The following FAM135B variants were observed in gnomAD, a reference collection of about 807,000 sequenced individuals.
FAM135B encodes family with sequence similarity 135 member B.
Under a neutral mutation model 127.7 loss-of-function variants are expected in FAM135B, and 43 were observed. The ratio of observed to expected loss-of-function variants is 0.34; its 90% CI spans 0.26 to 0.43. The LOEUF (loss-of-function observed/expected upper bound fraction) is 0.43, where lower values mean the gene tolerates loss of function less well. FAM135B is among the 20% of genes least tolerant of loss of function. FAM135B has a pLI of 1.00. For missense variants in FAM135B, 1,558 were observed against 1,725.6 expected, an observed-to-expected ratio of 0.90 and a Z score of 1.72; for synonymous variants, 670 against 665.1, an observed-to-expected ratio of 1.01 and a Z score of -0.11.
chr8:138,434,868 G>T (rs545619708), intron 1 of FAM135B, among the ~76,000 whole-genome samples: 1 of 152,338 alleles, frequency 6.6e-6, no homozygotes, highest in Admixed American at 6.5e-5. Context: ...ACACCAGTCA[G>T]ATTGGACACC....
intron 1 of FAM135B, among the ~76,000 whole-genome samples, chr8:138,410,776 T>C (rs1833818167): frequency 6.6e-6 from 1 of 152,120 alleles, no homozygotes; most frequent in Non-Finnish European, 1.5e-5. Context: ...AGCAATCCCA[T>C]TACTGGGTAA....
At chr8:138,198,698 T>G (rs1816860695) in intron 7 of FAM135B, among the ~76,000 whole-genome samples, 1 of 152,186 alleles carries the variant, frequency 6.6e-6, no homozygotes, top group Admixed American at 6.5e-5. Context: ...AAGTAATTTG[T>G]CCAATGAGGA....
Position 138,350,493 on chromosome 8 carries a change from C to T in FAM135B, c.77+17414G>A, listed in dbSNP as rs900680063. 2.7e-5 allele frequency among the ~76,000 whole-genome samples: 4 copies of T among 147,496 alleles called. No individual in the cohort carries two copies. The South Asian group carries it at 6.4e-4, about 24-fold the overall frequency. ...GAATCAGGAATTGTAAATAGGTTTT[C>T]TACAACACACACACACACACACACA... On this transcript the variant is annotated intron_variant, in intron 2 of 19. Transcript: ENST00000395297.
chr8:138,191,207 C>T (rs1183368853), intron 9 of FAM135B, among the ~76,000 whole-genome samples: 1 of 152,210 alleles, frequency 6.6e-6, no homozygotes. Context: ...GCACCTGTGA[C>T]CCCACTTCAT....
intron 2 of FAM135B, among the ~76,000 whole-genome samples, chr8:138,365,491 G>A (rs570402795): frequency 6.6e-6 from 1 of 152,032 alleles, no homozygotes; most frequent in African/African-American, 2.4e-5. Context: ...ATGCTTACAA[G>A]TCTATATATC....
chr8:138,368,137 A>G, intron 1 of FAM135B, 135 bp from the exon 2 acceptor site: 1 of 632,526 alleles, frequency 1.6e-6, no homozygotes, highest in Non-Finnish European at 2.8e-6. Context: ...GTCACCACTC[A>G]GGGTTCCTTT....
intron 1 of FAM135B, among the ~76,000 whole-genome samples, chr8:138,494,849 A>AAAAAAAAAAAAAAAAC (rs373037651): frequency 6.7e-6 from 1 of 150,000 alleles, no homozygotes; most frequent in African/African-American, 2.5e-5. Flanking sequence ...AAAAAAAAAA[A>AAAAAAAAAAAAAAAAC]AAACTTAATC....
chr8:138,370,086 C>G (rs533532793), intron 1 of FAM135B, among the ~76,000 whole-genome samples: 1 of 152,114 alleles, frequency 6.6e-6, no homozygotes, highest in African/African-American at 2.4e-5. Flanking sequence ...GTATTGGCCC[C>G]GAGCCACACA....
At chr8:138,414,745 G>T (rs1834048054) in intron 1 of FAM135B, among the ~76,000 whole-genome samples, 1 of 152,072 alleles carries the variant, frequency 6.6e-6, no homozygotes, top group Admixed American at 6.6e-5. Context: ...AGTGAAGATG[G>T]CTGTAGCACT....
chr8:138,146,003 G>C lies in FAM135B; in HGVS notation c.3496C>G (p.Leu1166Val), dbSNP rs749096914. The C allele has an allele frequency of 3.7e-6, 6 of 1,610,802 alleles. No homozygotes were observed. The highest frequency in any genetic ancestry group is 3.4e-6 in the Non-Finnish European group (4 of 1,177,150). The change falls in exon 15 of 20, where the codon CTC (leucine) becomes GTC (valine). Residue 1166 changes from leucine to valine, a missense_variant. Physicochemically the swap from Leu to Val is conservative, Grantham distance 32. Around this residue, in one of 5 missense-constraint regions of FAM135B, gnomAD observed 194 missense variants for 333.8 expected, o/e 0.58. Coordinates refer to ENST00000395297, the MANE Select transcript of FAM135B (RefSeq NM_015912.4). ...AGGAAGTCCAGTTTTCCTCCAGGGA[G>C]CCCCAGTTCTATGAAAGTCTTTACC... The part of the protein sequence containing the change: ...RLVKTFIELG[L>V]PGGKLDFLMS...
rs961937331 is a variant in FAM135B, at chr8:138,131,524, T to G, written c.*1069A>C. On this transcript the variant is annotated 3_prime_UTR_variant, in exon 20 of 20. Coordinates refer to ENST00000395297, the MANE Select transcript of FAM135B (RefSeq NM_015912.4). The stretch of plus-strand genomic sequence containing the variant: ...TTTTTATCAACGCAGTGACCTTTCC[T>G]AGCCCTTTATTTTCCTAAGGCAAGA... The G allele has an allele frequency of 6.6e-6, 1 of 152,640 alleles. No homozygotes were observed. Among genetic ancestry groups the G allele is most frequent in the Non-Finnish European group, 1.5e-5 (1 of 68,050 alleles). 9.5% of individuals were successfully genotyped at this position (152,640 alleles called of 1,614,324 possible).
chr8:138,371,528 A>C (rs909544589), intron 1 of FAM135B, among the ~76,000 whole-genome samples: 1 of 152,156 alleles, frequency 6.6e-6, no homozygotes, highest in Non-Finnish European at 1.5e-5. Flanking sequence ...GTTTCTGAGA[A>C]TGTATCGTGA....
chr8:138,450,490 T>C (rs1836426988), intron 1 of FAM135B: 1 of 152,258 alleles, frequency 6.6e-6, no homozygotes, highest in African/African-American at 2.4e-5. Flanking sequence ...CCTATTTTTT[T>C]CCACCCTTGC....
chr8:138,263,952 C>T (rs559931576), intron 4 of FAM135B, among the ~76,000 whole-genome samples: 1 of 152,264 alleles, frequency 6.6e-6, no homozygotes, highest in East Asian at 1.9e-4. Context: ...TGTGCCATTG[C>T]ACCCTTCTAA....
chr8:138,428,828 C>A (rs1835043234), intron 1 of FAM135B, among the ~76,000 whole-genome samples: 1 of 152,172 alleles, frequency 6.6e-6, no homozygotes, highest in South Asian at 2.1e-4. Flanking sequence ...TGGATGCAGG[C>A]TTCTATTTAT....
chr8:138,489,756 G>A (rs1461663504), intron 1 of FAM135B, among the ~76,000 whole-genome samples: 1 of 152,072 alleles, frequency 6.6e-6, no homozygotes, highest in Non-Finnish European at 1.5e-5. Flanking sequence ...CCTACTGCCT[G>A]CAATACTCTC....
intron 3 of FAM135B, among the ~76,000 whole-genome samples, chr8:138,266,367 A>G (rs1258345423): frequency 6.6e-6 from 1 of 152,116 alleles, no homozygotes; most frequent in East Asian, 1.9e-4. Context: ...TATGCTGTAT[A>G]TCAAGTTTTA....
intron 3 of FAM135B, among the ~76,000 whole-genome samples, chr8:138,302,811 C>T (rs1825984665): frequency 6.6e-6 from 1 of 152,244 alleles, no homozygotes; most frequent in Non-Finnish European, 1.5e-5. Context: ...CCACCAAGCT[C>T]GCTGTCAACA....
At chr8:138,167,679 G>A (rs1820061008) in intron 12 of FAM135B, among the ~76,000 whole-genome samples, 1 of 152,188 alleles carries the variant, frequency 6.6e-6, no homozygotes, top group African/African-American at 2.4e-5. Flanking sequence ...GAAGGAGTCA[G>A]GGAGGAAGTC....
Sources: gnomAD v4.1 joint callset for allele counts (sites outside exome capture counted in the v4.1 genomes callset) on GRCh38, gnomAD v4.1.1 for gene constraint, gnomAD v4.1.1 regional missense constraint, MANE v1.5 for transcripts, NCBI Gene and HGNC (gene_info 2026-07-23, HGNC 2026-07-21) for gene names.